Variants in ARID5B observed in about 807,000 individuals in gnomAD.
ARID5B encodes AT-rich interaction domain 5B.
A neutral mutation model predicts 97.2 loss-of-function variants in ARID5B; 13 were observed. That is an observed-to-expected ratio of 0.13 (90% CI 0.09 to 0.21). ARID5B has a LOEUF of 0.21. ARID5B is among the 10% of genes least tolerant of loss of function. The probability of loss-of-function intolerance (pLI) is 1.00; values close to 1 mark genes in which losing one functional copy is unlikely to be tolerated. For missense variants in ARID5B, 1,210 were observed against 1,465.3 expected (o/e 0.83, Z 2.84); for synonymous variants, 556 against 570.3 (o/e 0.97, Z 0.36).
chr10:61,980,831 C>T (rs1312379313), intron 3 of ARID5B, among the ~76,000 whole-genome samples: 2 of 152,156 alleles, frequency 1.3e-5, no homozygotes, highest in Non-Finnish European at 2.9e-5. Flanking sequence ...AGGAACATGG[C>T]TTCCCAGGAC....
intron 4 of ARID5B, among the ~76,000 whole-genome samples, chr10:62,015,495 A>T (rs746590047): frequency 1.3e-4 from 20 of 152,202 alleles, no homozygotes; most frequent in Non-Finnish European, 1.5e-5. Flanking sequence ...TGAGAATCTG[A>T]CTTGAGCTCA....
At position 62,024,202 on chromosome 10, in the gene ARID5B, G is replaced by A. The variant is rs141390723; in HGVS notation, c.733+23881G>A. Among the ~76,000 whole-genome samples the A allele has an allele frequency of 1.3e-4, 20 of 152,224 alleles. No homozygotes were observed. In the East Asian group the frequency reaches 3.1e-3, roughly 23 times the overall value. Reference sequence around the variant, plus strand: ...TGATTAAACCTTATGGAATTAAATCGACATGACTCATCTGCCCTAATTCTA... The same window carrying A: ...TGATTAAACCTTATGGAATTAAATCAACATGACTCATCTGCCCTAATTCTA... On this transcript the variant is annotated intron_variant, in intron 4 of 9. Coordinates refer to ENST00000279873, the MANE Select transcript of ARID5B (RefSeq NM_032199.3).
chr10:62,005,639 CATT>C (rs1164088968), intron 4 of ARID5B, among the ~76,000 whole-genome samples: 2 of 151,942 alleles, frequency 1.3e-5, no homozygotes, highest in African/African-American at 4.8e-5. Context: ...GAAATAATGA[CATT>C]ATGGACAAAA....
intron 8 of ARID5B, among the ~76,000 whole-genome samples, chr10:62,074,078 A>C (rs1208829329): frequency 6.6e-6 from 1 of 152,194 alleles, no homozygotes; most frequent in African/African-American, 2.4e-5. Context: ...AAGTCCATGC[A>C]GGGGGAAAAA....
chr10:61,946,655 G>T (rs1182265195), intron 3 of ARID5B, among the ~76,000 whole-genome samples: 1 of 152,208 alleles, frequency 6.6e-6, no homozygotes, highest in Non-Finnish European at 1.5e-5. Context: ...AGGCGCAGTG[G>T]CTCACACCTG....
chr10:61,954,645 G>A (rs944105006), intron 3 of ARID5B, among the ~76,000 whole-genome samples: 5 of 152,198 alleles, frequency 3.3e-5, no homozygotes, highest in Admixed American at 2.0e-4. Context: ...ATGAGTAGGT[G>A]TGTGAATACG....
intron 4 of ARID5B, among the ~76,000 whole-genome samples, chr10:62,026,888 CT>C (rs1358914414): frequency 8.5e-5 from 13 of 152,200 alleles, no homozygotes; most frequent in Admixed American, 7.9e-4. Flanking sequence ...TGTTTGCTGG[CT>C]GAAAATGAAT....
intron 4 of ARID5B, among the ~76,000 whole-genome samples, chr10:62,032,749 G>T (rs16912976): frequency 0.03 from 4,620 of 152,176 alleles, 349 homozygotes; most frequent in Admixed American, 0.17. Context: ...ATATTGGATC[G>T]GTGAATATTG....
At chr10:62,035,505 A>G (rs185977899) in intron 4 of ARID5B, among the ~76,000 whole-genome samples, 1 of 152,260 alleles carries the variant, frequency 6.6e-6, no homozygotes, top group East Asian at 1.9e-4. Flanking sequence ...GTTATTAATT[A>G]TTTTAAGACG....
intron 3 of ARID5B, among the ~76,000 whole-genome samples, chr10:61,959,699 C>T (rs1401996485): frequency 2.0e-5 from 3 of 152,014 alleles, no homozygotes; most frequent in Admixed American, 1.3e-4. Flanking sequence ...CTTTTAAATG[C>T]CCAATTACCA....
intron 2 of ARID5B, among the ~76,000 whole-genome samples, chr10:61,908,692 T>C (rs868810431): frequency 4.2e-4 from 62 of 146,588 alleles, no homozygotes; most frequent in Admixed American, 1.1e-3. Flanking sequence ...CCCAGCTACT[T>C]GGGAGGCTGA....
intron 2 of ARID5B, among the ~76,000 whole-genome samples, chr10:61,918,823 TAGG>T (rs1843954872): frequency 1.4e-5 from 2 of 143,582 alleles, no homozygotes; most frequent in African/African-American, 2.5e-5. Context: ...CACTTGAGGT[TAGG>T]AGTTTGTGAC....
At chr10:61,960,230 C>G (rs1345121691) in intron 3 of ARID5B, among the ~76,000 whole-genome samples, 1 of 152,102 alleles carries the variant, frequency 6.6e-6, no homozygotes, top group African/African-American at 2.4e-5. Flanking sequence ...TCTCTACTGT[C>G]TGGACAGCAT....
chr10:62,089,431 T>G, intron 9 of ARID5B, among the ~76,000 whole-genome samples: 1 of 152,096 alleles, frequency 6.6e-6, no homozygotes, highest in East Asian at 1.9e-4. Flanking sequence ...TACCCAAAGA[T>G]GCTAATTGGC....
At chr10:61,940,537 C>T (rs1233847840) in intron 3 of ARID5B, 129 bp downstream of exon 3, 1 of 807,972 alleles carries the variant, frequency 1.2e-6, no homozygotes. Flanking sequence ...TCAAAGGGTC[C>T]TAAGAATATG....
chr10:61,993,278 G>A (rs144858498), intron 3 of ARID5B, among the ~76,000 whole-genome samples: 2 of 152,028 alleles, frequency 1.3e-5, no homozygotes, highest in Non-Finnish European at 1.5e-5. Context: ...TGAAAAATAC[G>A]GCAGGACACA....
At chr10:62,090,642 G>A (rs899173546) in intron 9 of ARID5B, among the ~76,000 whole-genome samples, 1 of 152,188 alleles carries the variant, frequency 6.6e-6, no homozygotes, top group African/African-American at 2.4e-5. Context: ...TATCTCATAA[G>A]GGACTGAAGC....
intron 3 of ARID5B, among the ~76,000 whole-genome samples, chr10:61,982,277 A>C (rs557286897): frequency 1.3e-5 from 2 of 152,106 alleles, no homozygotes; most frequent in Non-Finnish European, 2.9e-5. Flanking sequence ...GTGATTTTTT[A>C]AAAAAAGTCA....
At chr10:61,973,627 G>A (rs1838660596) in intron 3 of ARID5B, among the ~76,000 whole-genome samples, 1 of 151,966 alleles carries the variant, frequency 6.6e-6, no homozygotes, top group Non-Finnish European at 1.5e-5. Flanking sequence ...ATGGGAGGGG[G>A]GAAGCTTTTA....
Sources: allele counts gnomAD v4.1 joint callset (sites outside exome capture counted in the v4.1 genomes callset), GRCh38; gene constraint gnomAD v4.1.1; transcripts MANE v1.5; gene names NCBI Gene and HGNC (gene_info 2026-07-23, HGNC 2026-07-21).